ANXA2: variants seen among roughly 807,000 people sequenced by gnomAD.
ANXA2 encodes annexin A2, also known as annexin II.
In ANXA2, 28 loss-of-function variants were observed where a neutral mutation model predicts 47.3. That is an observed-to-expected ratio of 0.59 (90% CI 0.44 to 0.81). The LOEUF (loss-of-function observed/expected upper bound fraction) is 0.81. Among genes scored for constraint, ANXA2 ranks in the 40% least tolerant of loss-of-function variants. The pLI is 0.00. For synonymous variants in ANXA2, 172 were observed against 155.5 expected (o/e 1.11, Z -0.79); for missense variants, 384 against 414.3 (o/e 0.93, Z 0.64).
intron 1 of ANXA2, among the ~76,000 whole-genome samples, chr15:60,391,959 G>A (rs1003487109): frequency 1.3e-5 from 2 of 151,722 alleles, no homozygotes; most frequent in African/African-American, 4.8e-5. Flanking sequence ...ACACATCAGT[G>A]CCGTGCCTTC....
rs780848383 is a variant in ANXA2, at chr15:60,382,370, C to T, written c.120G>A (p.Leu40=). The T allele has an allele frequency of 5.6e-6, 9 of 1,613,838 alleles. No individual in the cohort carries two copies. Among genetic ancestry groups the T allele is most frequent in the African/African-American group, 2.7e-5 (2 of 74,908 alleles). Residue 40 remains leucine, a synonymous_variant, in exon 3 of 13, where the codon TTG becomes TTA. Transcript: ENST00000451270. ...TGGTCTTGATGGCTGTTTCAATGTT[C>T]AAAGCATCCCGCTCAGCATCAAAGT... ...YTNFDAERDA[L]NIETAIKTKG...
chr15:60,373,071 CTA>C (rs1035099661), intron 3 of ANXA2, among the ~76,000 whole-genome samples: 65 of 152,264 alleles, frequency 4.3e-4, no homozygotes, highest in African/African-American at 1.4e-3. Context: ...TATGTTTATC[CTA>C]TGAGTCAAGT....
At chr15:60,360,172 C>A (rs1443603816) in intron 5 of ANXA2, among the ~76,000 whole-genome samples, 1 of 152,192 alleles carries the variant, frequency 6.6e-6, no homozygotes, top group Admixed American at 6.5e-5. Flanking sequence ...AGGAGAATCT[C>A]TTGAACCCGG....
chr15:60,377,682 A>C (rs1254115558), intron 3 of ANXA2, among the ~76,000 whole-genome samples: 6 of 151,954 alleles, frequency 3.9e-5, no homozygotes, highest in Non-Finnish European at 8.8e-5. Flanking sequence ...ATTGCCACAA[A>C]TCTTCAATTT....
In ANXA2 at chr15:60,382,398, G is replaced by C. The variant is rs780461746; in HGVS notation, c.92C>G (p.Thr31Ser). 3.1e-6 allele frequency: 5 copies of C among 1,613,992 alleles called. No individual in the cohort carries two copies. Among genetic ancestry groups the C allele is most frequent in the South Asian group, 1.1e-5 (1 of 91,086 alleles). Reference protein sequence around the residue: ...PSAYGSVKAYTNFDAERDALN... With the variant: ...PSAYGSVKAYSNFDAERDALN... The stretch of plus-strand genomic sequence containing the variant: ...AGCATCCCGCTCAGCATCAAAGTTA[G>C]TATAGGCTTTGACAGACCCATATGC... Residue 31 changes from threonine to serine, a missense_variant, in exon 3 of 13, where the codon ACT (threonine) becomes AGT (serine). Coordinates refer to ENST00000451270, the MANE Select transcript of ANXA2 (RefSeq NM_004039.3).
chr15:60,371,968 G>C (rs1270059472), intron 3 of ANXA2, among the ~76,000 whole-genome samples: 3 of 152,160 alleles, frequency 2.0e-5, no homozygotes, highest in African/African-American at 4.8e-5. Context: ...TCACTAACAC[G>C]GAGAAACCCC....
At chr15:60,356,076 T>A in intron 6 of ANXA2, 78 bp from the exon 7 acceptor site, 1 of 1,118,470 alleles carries the variant, frequency 8.9e-7, no homozygotes, top group Admixed American at 1.8e-5. Context: ...CATTTCCCAC[T>A]AAGACTCTGA....
At chr15:60,364,658 T>G in intron 3 of ANXA2, 135 bp from the exon 4 acceptor site, 1 of 617,408 alleles carries the variant, frequency 1.6e-6, no homozygotes, top group Non-Finnish European at 2.8e-6. Context: ...GACACCAAGA[T>G]TTGTTCTATC....
At chr15:60,347,923 G>T (rs1895799312) in intron 12 of ANXA2, among the ~76,000 whole-genome samples, 1 of 152,220 alleles carries the variant, frequency 6.6e-6, no homozygotes, top group African/African-American at 2.4e-5. Context: ...GGCTCCTTAG[G>T]ACTGTGGGGT....
chr15:60,386,015 G>A lies in ANXA2; in HGVS notation c.48+13C>T. 6.3e-7 allele frequency: 1 copy of A among 1,599,166 alleles called. No homozygotes were observed. Among genetic ancestry groups the A allele is most frequent in the Non-Finnish European group, 8.6e-7 (1 of 1,169,520 alleles). ...CTTGCAAAAATTATATAAAGTGAAA[G>A]TGATATACTTACATCACCCTCCAAG... On this transcript the variant is annotated intron_variant, in intron 2 of 12. Coordinates refer to ENST00000451270, the MANE Select transcript of ANXA2 (RefSeq NM_004039.3).
intron 1 of ANXA2, chr15:60,386,374 G>T (rs1284324261): frequency 3.1e-5 from 10 of 327,712 alleles, no homozygotes. Flanking sequence ...TGTTCCCCAT[G>T]GCTAATGCAA....
At chr15:60,374,730 G>C (rs1013344890) in intron 3 of ANXA2, 1 of 456,004 alleles carries the variant, frequency 2.2e-6, no homozygotes, top group Non-Finnish European at 4.4e-6. Flanking sequence ...ATCTGTGCTG[G>C]CAGAGTCACA....
At chr15:60,370,783 C>G (rs2062700350) in intron 3 of ANXA2, among the ~76,000 whole-genome samples, 1 of 152,186 alleles carries the variant, frequency 6.6e-6, no homozygotes, top group Non-Finnish European at 1.5e-5. Context: ...TGTTCCAGTG[C>G]TTAAGGAAGT....
At chr15:60,366,813 G>A (rs2062620121) in intron 3 of ANXA2, among the ~76,000 whole-genome samples, 1 of 129,608 alleles carries the variant, frequency 7.7e-6, no homozygotes, top group Admixed American at 7.3e-5. Flanking sequence ...GGGGGGGGGG[G>A]GGGTCGGCCA....
intron 5 of ANXA2, among the ~76,000 whole-genome samples, chr15:60,360,437 C>T (rs143739416): frequency 6.6e-6 from 1 of 152,250 alleles, no homozygotes; most frequent in Non-Finnish European, 1.5e-5. Context: ...CTCACAGGTA[C>T]GATTCAGGTA....
intron 3 of ANXA2, among the ~76,000 whole-genome samples, chr15:60,377,415 A>C (rs1214244507): frequency 3.3e-5 from 5 of 152,242 alleles, no homozygotes; most frequent in Non-Finnish European, 7.3e-5. Context: ...CTGAAAGCCC[A>C]AGAAAGGAAA....
At chr15:60,354,272 A>G in intron 7 of ANXA2, 59 bp from the exon 8 acceptor site, 1 of 1,374,934 alleles carries the variant, frequency 7.3e-7, no homozygotes. Flanking sequence ...AAAACTGAAA[A>G]TGTTTTCTCC....
At chr15:60,385,084 A>T (rs941889624) in intron 2 of ANXA2, among the ~76,000 whole-genome samples, 3 of 152,254 alleles carry the variant, frequency 2.0e-5, no homozygotes, top group Non-Finnish European at 4.4e-5. Flanking sequence ...AAAAGAAACA[A>T]ATGCAACAGA....
chr15:60,364,517 T>C lies in ANXA2; in HGVS notation c.155A>G (p.Asp52Gly). The C allele has an allele frequency of 6.2e-7, 1 of 1,611,524 alleles. No homozygotes were observed. Among genetic ancestry groups the C allele is most frequent in the Non-Finnish European group, 8.5e-7 (1 of 1,179,140 alleles). ...CAAAATGTTGACAATGGTGACCTCA[T>C]CCACACCTATGGAAATACAAGTTGT... ...IETAIKTKGVDEVTIVNILTN... is the reference protein window; with the variant it reads ...IETAIKTKGVGEVTIVNILTN... The change falls in exon 4 of 13, where the codon GAT becomes GGT. Residue 52 changes from aspartate to glycine, a missense_variant. Physicochemically the swap from Asp to Gly is moderately conservative, Grantham distance 94 (BLOSUM62 -1). Coordinates refer to ENST00000451270, the MANE Select transcript of ANXA2 (RefSeq NM_004039.3).
Sources: gnomAD v4.1 joint callset for allele counts (sites outside exome capture counted in the v4.1 genomes callset) on GRCh38, gnomAD v4.1.1 for gene constraint, MANE v1.5 for transcripts, NCBI Gene and HGNC (gene_info 2026-07-23, HGNC 2026-07-21) for gene names.